The following SPATA45 variants were observed in gnomAD, a reference collection of about 807,000 sequenced individuals.
SPATA45 encodes spermatogenesis-associated protein 45.
A neutral mutation model predicts 7.0 loss-of-function variants in SPATA45; 5 were observed. The observed-to-expected ratio is 0.71, with a 90% CI of 0.37 to 1.50. The LOEUF is 1.50. SPATA45 is among the 40% of genes most tolerant of loss of function. The pLI is 0.03. For missense variants in SPATA45, 111 were observed against 114.9 expected, an observed-to-expected ratio of 0.97 and a Z score of 0.16; for synonymous variants, 40 against 38.7, an observed-to-expected ratio of 1.03 and a Z score of -0.13.
At chr1:212,836,545 G>A (rs1276185019) in intron 1 of SPATA45, among the ~76,000 whole-genome samples, 1 of 151,678 alleles carries the variant, frequency 6.6e-6, no homozygotes, top group Non-Finnish European at 1.5e-5. Flanking sequence ...TGGCCAGGCT[G>A]GTCTCGAACT....
In SPATA45 at chr1:212,836,071, T is replaced by C; in HGVS notation, c.79A>G (p.Lys27Glu). The C allele has an allele frequency of 6.2e-7, 1 of 1,609,646 alleles. No homozygotes were observed. Among genetic ancestry groups the C allele is most frequent in the Non-Finnish European group, 8.5e-7 (1 of 1,176,332 alleles). Residue 27 changes from lysine (K) to glutamate (E), a missense_variant, in exon 2 of 3, where the codon AAA becomes GAA. Physicochemically the swap from Lys to Glu is moderately conservative, Grantham distance 56 (BLOSUM62 1). Transcript: ENST00000332912. ...ACCAAGCAGTTGGATTCACGCTTTTTGTTTATCTCCTCCAGGAGATGTTGT... is the reference window on the plus strand; with the variant it reads ...ACCAAGCAGTTGGATTCACGCTTTTCGTTTATCTCCTCCAGGAGATGTTGT... ...SKQHLLEEIN[K>E]KRESNCLVER...
At chr1:212,846,773 G>A (rs1393785083) in intron 1 of SPATA45, among the ~76,000 whole-genome samples, 1 of 152,208 alleles carries the variant, frequency 6.6e-6, no homozygotes, top group Admixed American at 6.5e-5. Context: ...CACAAAGCCT[G>A]TTTGGTGGTC....
intron 1 of SPATA45, among the ~76,000 whole-genome samples, chr1:212,843,218 C>A (rs10746437): frequency 6.7e-6 from 1 of 150,134 alleles, no homozygotes; most frequent in African/African-American, 2.4e-5. Context: ...TGAACTCCAG[C>A]GGCAGAGGTT....
intron 1 of SPATA45, among the ~76,000 whole-genome samples, chr1:212,836,946 C>CGGTG (rs1482983555): frequency 2.0e-5 from 3 of 150,998 alleles, no homozygotes; most frequent in African/African-American, 7.3e-5. Context: ...CATGAGCCAC[C>CGGTG]GTACCCGGCC....
chr1:212,846,996 A>AT (rs1359933395), intron 1 of SPATA45, among the ~76,000 whole-genome samples: 1 of 151,822 alleles, frequency 6.6e-6, no homozygotes, highest in Non-Finnish European at 1.5e-5. Flanking sequence ...GGCTCAGGTG[A>AT]TCCCCCCACC....
At chr1:212,838,424 T>C (rs1436859522) in intron 1 of SPATA45, among the ~76,000 whole-genome samples, 2 of 151,518 alleles carry the variant, frequency 1.3e-5, no homozygotes, top group South Asian at 4.2e-4. Flanking sequence ...GACCAAACCA[T>C]GTGTTAGCAA....
At chr1:212,836,315 C>T (rs1433656545) in intron 1 of SPATA45, 128 bp from the exon 2 acceptor site, 2 of 681,872 alleles carry the variant, frequency 2.9e-6, no homozygotes, top group African/African-American at 1.8e-5. Flanking sequence ...AAGCCTCCCA[C>T]CCCACGCTTC....
intron 1 of SPATA45, among the ~76,000 whole-genome samples, chr1:212,845,177 A>G (rs923824083): frequency 2.0e-5 from 3 of 152,102 alleles, no homozygotes; most frequent in African/African-American, 7.2e-5. Context: ...AGAACCTCTC[A>G]TTTCCTTTCT....
rs374295972 is a variant in SPATA45, at chr1:212,830,251, T to C, written c.288A>G (p.Ile96Met). ...RKHFPPKNNA[I>M]FG ...TCTCTGGAGATGCACTTTATCCAAA[T>C]ATGGCATTATCTGAAAAAATAAAAA... Residue 96 changes from isoleucine to methionine, a missense_variant, in exon 3 of 3, where the codon ATA becomes ATG. Transcript: ENST00000332912. 48 of 1,525,378 alleles carry C rather than the reference T, an allele frequency of 3.1e-5. 1 individual carries two copies. Among genetic ancestry groups the C allele is most frequent in the Non-Finnish European group, 4.1e-5 (46 of 1,108,590 alleles). The allele number at this position is 1,525,378 out of a possible 1,614,324, so 94.5% of individuals were successfully genotyped here.
rs1558096545 is a variant in SPATA45 at position 212,835,969 on chromosome 1, T to A, written c.181A>T (p.Thr61Ser). Reference protein sequence around the residue: ...FPDAYQSFTDTTTKEPVPNSG... With the variant: ...FPDAYQSFTDSTTKEPVPNSG... ...TTGGGAACAGGCTCTTTGGTTGTGG[T>A]ATCAGTAAAGGACTGATAGGCATCC... Residue 61 changes from threonine to serine, a missense_variant, in exon 2 of 3, where the codon ACC becomes TCC. Physicochemically the swap from Thr to Ser is moderately conservative, Grantham distance 58 (BLOSUM62 1). Transcript: ENST00000332912. 1 of 1,610,626 alleles carries A rather than the reference T, an allele frequency of 6.2e-7. No homozygotes were observed. The highest frequency in any genetic ancestry group is 8.5e-7 in the Non-Finnish European group (1 of 1,177,200).
rs559628743 is a variant in SPATA45 at position 212,831,275 on chromosome 1, C to G, written c.278-1014G>C. Among the ~76,000 whole-genome samples, 4 of 151,252 alleles carry G rather than the reference C, an allele frequency of 2.6e-5. No homozygotes were observed. In the East Asian group the frequency reaches 7.8e-4, roughly 30 times the overall value. The stretch of plus-strand genomic sequence containing the variant: ...CTTGAGGTCAAGAATTTGAGACCAA[C>G]CTGGGCAACATGGCAAAATCCAGAC... On this transcript the variant is annotated intron_variant, in intron 2 of 2. Transcript: ENST00000332912.
chr1:212,834,790 A>G (rs1280255030), intron 2 of SPATA45, among the ~76,000 whole-genome samples: 2 of 151,622 alleles, frequency 1.3e-5, no homozygotes, highest in African/African-American at 2.4e-5. Flanking sequence ...GATATTTGTC[A>G]TCAAAAGGAT....
At chr1:212,841,631 C>CTTT (rs5780702) in intron 1 of SPATA45, among the ~76,000 whole-genome samples, 149 of 125,140 alleles carry the variant, frequency 1.2e-3, no homozygotes, top group Non-Finnish European at 1.8e-3. Flanking sequence ...AGGTATCTTT[C>CTTT]TTTTTTTTTT....
intron 1 of SPATA45, among the ~76,000 whole-genome samples, chr1:212,842,888 A>C (rs548441976): frequency 6.6e-6 from 1 of 150,748 alleles, no homozygotes; most frequent in Non-Finnish European, 1.5e-5. Context: ...GGAGATCAAG[A>C]CCATCCTGGC....
chr1:212,842,313 G>A (rs957079211), intron 1 of SPATA45, among the ~76,000 whole-genome samples: 4 of 151,616 alleles, frequency 2.6e-5, no homozygotes, highest in Non-Finnish European at 5.9e-5. Flanking sequence ...GGGAGGCAGA[G>A]GTTGCAGTCA....
At chr1:212,843,728 A>G (rs78100430) in intron 1 of SPATA45, among the ~76,000 whole-genome samples, 3,482 of 152,310 alleles carry the variant, frequency 0.023, 63 homozygotes, top group South Asian at 0.041. Context: ...GAACAGGCCA[A>G]TTCCAACTGC....
intron 1 of SPATA45, among the ~76,000 whole-genome samples, chr1:212,840,700 C>G (rs1013923505): frequency 2.5e-4 from 38 of 152,140 alleles, no homozygotes; most frequent in Admixed American, 5.9e-4. Flanking sequence ...TCACTGCAAG[C>G]TCTGCCTCCT....
chr1:212,840,833 T>C (rs546390186), intron 1 of SPATA45, among the ~76,000 whole-genome samples: 7 of 152,142 alleles, frequency 4.6e-5, no homozygotes, highest in African/African-American at 1.4e-4. Context: ...TTAGCCAGGA[T>C]GGACTCGATC....
Position 212,836,029 on chromosome 1 carries a change from C to A in SPATA45, c.121G>T (p.Val41Phe). 6.2e-7 allele frequency: 1 copy of A among 1,611,346 alleles called. No homozygotes were observed. Among genetic ancestry groups the A allele is most frequent in the Non-Finnish European group, 8.5e-7 (1 of 1,178,028 alleles). ...CTCTTTTGAACTCTCAGTAAGCTGA[C>A]TTGATTGCTTCGTTCCACCAAGCAG... ...SNCLVERSNQ[V>F]SLLRVQKRHF... The change falls in exon 2 of 3, where the codon GTC becomes TTC. Residue 41 changes from valine (V) to phenylalanine (F), a missense_variant. Transcript: ENST00000332912.
Sources: gnomAD v4.1 joint callset for allele counts (sites outside exome capture counted in the v4.1 genomes callset) on GRCh38, gnomAD v4.1.1 for gene constraint, MANE v1.5 for transcripts, NCBI Gene and HGNC (gene_info 2026-07-23, HGNC 2026-07-21) for gene names.